Variants in LRCH3 observed in about 807,000 individuals in gnomAD.
LRCH3 encodes the protein DISP complex protein LRCH3.
LRCH3 carries 68 observed loss-of-function variants against 104.5 expected under a neutral mutation model. That is an observed-to-expected ratio of 0.65 (90% CI 0.54 to 0.80). LRCH3 has a LOEUF of 0.80. LRCH3 is among the 30% of genes least tolerant of loss of function. The probability of loss-of-function intolerance (pLI) is 0.00; values close to 1 mark genes in which losing one functional copy is unlikely to be tolerated. For missense variants in LRCH3, 951 were observed against 953.9 expected, an observed-to-expected ratio of 1.00 and a Z score of 0.04; for synonymous variants, 344 against 361.3, an observed-to-expected ratio of 0.95 and a Z score of 0.54.
intron 14 of LRCH3, among the ~76,000 whole-genome samples, chr3:197,857,624 T>C (rs1418754835): frequency 3.3e-5 from 5 of 152,240 alleles, no homozygotes; most frequent in African/African-American, 1.2e-4. Context: ...TTTAAAAGAA[T>C]ATGAGGCTCA....
intron 10 of LRCH3, among the ~76,000 whole-genome samples, chr3:197,846,513 CATA>C (rs1454863825): frequency 6.8e-6 from 1 of 146,844 alleles, no homozygotes; most frequent in East Asian, 2.0e-4. Flanking sequence ...GCCTGGGCAA[CATA>C]ATAAGACCCT....
In LRCH3 at chr3:197,854,813, A is replaced by G. The variant is rs1740039743; in HGVS notation, c.1644+368A>G. Among the ~76,000 whole-genome samples the G allele has an allele frequency of 6.6e-6, 1 of 152,184 alleles. No individual in the cohort carries two copies. Among genetic ancestry groups the G allele is most frequent in the African/African-American group, 2.4e-5 (1 of 41,440 alleles). On this transcript the variant is annotated intron_variant, in intron 14 of 20. Transcript: ENST00000425562. This position sits in a 1 kb window ranked among gnomAD's most constrained non-coding sequence, Gnocchi z 4.5. ...CCTATATGTTAAGGTGACTCATGACACTGATTGCACAGCTGTATATTTGGC... is the reference window on the plus strand; with the variant it reads ...CCTATATGTTAAGGTGACTCATGACGCTGATTGCACAGCTGTATATTTGGC...
At chr3:197,792,530 C>T (rs1730647166) in intron 1 of LRCH3, among the ~76,000 whole-genome samples, 1 of 133,448 alleles carries the variant, frequency 7.5e-6, no homozygotes, top group African/African-American at 2.7e-5. Flanking sequence ...ACCTCAGCCT[C>T]CTGAGTAGCT....
At chr3:197,870,344 A>T in intron 18 of LRCH3, 66 bp downstream of exon 18, 1 of 1,424,486 alleles carries the variant, frequency 7.0e-7, no homozygotes, top group Non-Finnish European at 9.7e-7. Flanking sequence ...TCCTGTGATC[A>T]CGTCTTCATT....
At position 197,887,497 on chromosome 3, in the gene LRCH3, A is replaced by C. The variant is rs1580945047; in HGVS notation, c.*3831A>C. ...ATCACTGACAGTGTTGGGGGCTGAG[A>C]GCCCCCCAGCAGAGCCCTTCCCATC... On this transcript the variant is annotated 3_prime_UTR_variant, in exon 21 of 21. Transcript: ENST00000425562. 1 of 122,926 alleles carries C rather than the reference A, an allele frequency of 8.1e-6. No homozygotes were observed. Among genetic ancestry groups the C allele is most frequent in the East Asian group, 2.7e-4 (1 of 3,690 alleles). 7.6% of individuals were successfully genotyped at this position (122,926 alleles called of 1,614,324 possible).
intron 15 of LRCH3, among the ~76,000 whole-genome samples, chr3:197,862,361 A>G (rs2109471972): frequency 6.6e-6 from 1 of 152,332 alleles, no homozygotes; most frequent in Middle Eastern, 3.4e-3. Flanking sequence ...AGCTCTTCTC[A>G]TCTCATAAAG....
At chr3:197,829,236 A>G (rs1052857694) in intron 5 of LRCH3, among the ~76,000 whole-genome samples, 1 of 152,226 alleles carries the variant, frequency 6.6e-6, no homozygotes, top group Non-Finnish European at 1.5e-5. Context: ...CATGTAATCT[A>G]ATGAGGAGAA....
intron 19 of LRCH3, among the ~76,000 whole-genome samples, chr3:197,873,251 T>C (rs541819934): frequency 6.6e-6 from 1 of 152,356 alleles, no homozygotes; most frequent in South Asian, 2.1e-4. Flanking sequence ...ATCTGACGTT[T>C]CTTGCATTTT....
At chr3:197,805,375 CTT>C (rs1381178029) in intron 1 of LRCH3, among the ~76,000 whole-genome samples, 1 of 152,198 alleles carries the variant, frequency 6.6e-6, no homozygotes, top group African/African-American at 2.4e-5. Context: ...ATCAAGGAGG[CTT>C]TTTCTTCAGA....
At chr3:197,880,635 C>T (rs773594808) in intron 20 of LRCH3, 20 of 1,536,756 alleles carry the variant, frequency 1.3e-5, no homozygotes, top group Non-Finnish European at 1.7e-5. Flanking sequence ...CTCTCTGCAG[C>T]TTCTGGGTTT....
chr3:197,829,755 T>A, intron 6 of LRCH3, 82 bp downstream of exon 6: 1 of 940,838 alleles, frequency 1.1e-6, no homozygotes, highest in South Asian at 1.6e-5. Context: ...TGCCTGAATG[T>A]TTGACTAAAG....
chr3:197,793,794 A>G (rs1196487179), intron 1 of LRCH3, among the ~76,000 whole-genome samples: 3 of 152,192 alleles, frequency 2.0e-5, no homozygotes, highest in South Asian at 4.1e-4. Flanking sequence ...AAATAAAAAG[A>G]TTACAAGGTA....
chr3:197,869,853 T>C (rs985338899), intron 17 of LRCH3, among the ~76,000 whole-genome samples: 3 of 146,692 alleles, frequency 2.0e-5, no homozygotes, highest in African/African-American at 5.2e-5. Context: ...TAGAAAGCGA[T>C]ACACTGTACC....
Position 197,883,331 on chromosome 3 carries a change from G to T in LRCH3, c.2209-210G>T. The T allele has an allele frequency of 7.4e-7, 1 of 1,358,116 alleles. No homozygotes were observed. The highest frequency in any genetic ancestry group is 1.7e-5 in the South Asian group (1 of 59,876). The allele number at this position is 1,358,116 out of a possible 1,614,324, so 84.1% of individuals were successfully genotyped here. On this transcript the variant is annotated intron_variant, in intron 20 of 20. Coordinates refer to ENST00000425562, the MANE Select transcript of LRCH3 (RefSeq NM_001365715.1). The surrounding 1 kb of genome is among the most constrained non-coding windows in gnomAD (Gnocchi z 4.2). ...TTCCAATTTTGAAAATGATCTGTAT[G>T]TACTTTTAGTTGTATTAATAAAGTG...
At chr3:197,843,084 TAAAA>T (rs11292727) in intron 10 of LRCH3, among the ~76,000 whole-genome samples, 85 of 140,214 alleles carry the variant, frequency 6.1e-4, no homozygotes, top group African/African-American at 2.0e-3. Context: ...GACTCTGTCT[TAAAA>T]AAAAAAAAAA....
intron 9 of LRCH3, among the ~76,000 whole-genome samples, chr3:197,837,767 C>T (rs1372909242): frequency 6.6e-6 from 1 of 151,882 alleles, no homozygotes; most frequent in East Asian, 1.9e-4. Context: ...TAGGATGGGG[C>T]TGGACATGGT....
At position 197,865,501 on chromosome 3, in the gene LRCH3, A is replaced by T. The variant is rs578053365; in HGVS notation, c.1765+30A>T. On this transcript the variant is annotated intron_variant, in intron 16 of 20. Coordinates refer to ENST00000425562, the MANE Select transcript of LRCH3 (RefSeq NM_001365715.1). Reference sequence around the variant, plus strand: ...TAGACACAAAGGTGCAATTAACCACATCAAGATTATAATTCTTTATTTTTT... The same window carrying T: ...TAGACACAAAGGTGCAATTAACCACTTCAAGATTATAATTCTTTATTTTTT... The T allele has an allele frequency of 5.9e-6, 8 of 1,346,566 alleles. No individual in the cohort carries two copies. In the Admixed American group the frequency reaches 2.0e-4, roughly 34 times the overall value. 83.4% of individuals were successfully genotyped at this position (1,346,566 alleles called of 1,614,324 possible).
At chr3:197,838,461 G>A (rs1323478823) in intron 9 of LRCH3, among the ~76,000 whole-genome samples, 1 of 150,664 alleles carries the variant, frequency 6.6e-6, no homozygotes. Flanking sequence ...TTTCTTGGAA[G>A]TAGATGGTAA....
At chr3:197,819,687 G>T (rs533709709) in intron 3 of LRCH3, among the ~76,000 whole-genome samples, 26 of 151,778 alleles carry the variant, frequency 1.7e-4, no homozygotes, top group African/African-American at 6.0e-4. Flanking sequence ...TTGCACTCCA[G>T]CTCGGGTGAC....
Sources: allele counts gnomAD v4.1 joint callset (sites outside exome capture counted in the v4.1 genomes callset), GRCh38; gene constraint gnomAD v4.1.1; non-coding constraint Gnocchi (gnomAD v3.1); transcripts MANE v1.5; gene names NCBI Gene and HGNC (gene_info 2026-07-23, HGNC 2026-07-21).